PCDHGA10: variants seen among roughly 807,000 people sequenced by gnomAD.
The protein encoded by PCDHGA10 is protocadherin gamma subfamily A, 10.
In PCDHGA10, 42 loss-of-function variants were observed where a neutral mutation model predicts 59.5. The observed-to-expected ratio is 0.71, with a 90% CI of 0.55 to 0.91. The LOEUF is 0.91. Among genes scored for constraint, PCDHGA10 ranks in the 40% least tolerant of loss-of-function variants. PCDHGA10 has a pLI of 0.00. For missense variants in PCDHGA10, 1,111 were observed against 1,198.2 expected (o/e 0.93, Z 1.07); for synonymous variants, 511 against 517.2 (o/e 0.99, Z 0.16).
At chr5:141,446,604 G>C (rs1226194089) in intron 1 of PCDHGA10, among the ~76,000 whole-genome samples, 1 of 152,134 alleles carries the variant, frequency 6.6e-6, no homozygotes, top group Non-Finnish European at 1.5e-5. Flanking sequence ...AGCCTCCTGA[G>C]TAGCTGGGAC....
chr5:141,413,962 AC>A lies in PCDHGA10; in HGVS notation c.788del (p.Thr263IlefsTer4). 6.2e-7 allele frequency: 1 copy of A among 1,613,404 alleles called. No homozygotes were observed. The highest frequency in any genetic ancestry group is 8.5e-7 in the Non-Finnish European group (1 of 1,179,852). On this transcript the variant is annotated frameshift_variant, in exon 1 of 4. Coordinates refer to ENST00000398610, the MANE Select transcript of PCDHGA10 (RefSeq NM_018913.3). LOFTEE classifies it high-confidence loss of function. Reference sequence around the variant, plus strand: ...TGTTCCTGAGAATTTGCCTGTGGGCACTCAGCTGCTGACAGTCACAGCCACC... The same window carrying A: ...TGTTCCTGAGAATTTGCCTGTGGGCATCAGCTGCTGACAGTCACAGCCACC... ...VSVPENLPVGTQLLTVTATDR... is the reference protein window; with the variant it reads ...VSVPENLPVGXQLLTVTATDR...
intron 1 of PCDHGA10, among the ~76,000 whole-genome samples, chr5:141,479,060 T>G (rs980468382): frequency 5.9e-5 from 9 of 152,248 alleles, no homozygotes; most frequent in Non-Finnish European, 1.3e-4. Context: ...CAGATAATTT[T>G]TTATGAATGA....
intron 2 of PCDHGA10, among the ~76,000 whole-genome samples, chr5:141,504,039 AC>A (rs1396515708): frequency 6.6e-6 from 1 of 152,184 alleles, no homozygotes; most frequent in African/African-American, 2.4e-5. Context: ...CATTTAGGCA[AC>A]AAATATTTAT....
intron 1 of PCDHGA10, chr5:141,427,070 G>A (rs929936578): frequency 3.1e-5 from 14 of 457,822 alleles, no homozygotes; most frequent in Non-Finnish European, 6.2e-5. Context: ...TACTAAAGGT[G>A]ACAGCCACTG....
At chr5:141,423,841 T>A (rs1413277726) in intron 1 of PCDHGA10, 15 of 1,282,014 alleles carry the variant, frequency 1.2e-5, no homozygotes, top group Non-Finnish European at 1.4e-5. Context: ...ATTACGATAA[T>A]CTTTCAGAAC....
At chr5:141,418,895 GAA>G (rs746676640) in intron 1 of PCDHGA10, 1 of 1,613,998 alleles carries the variant, frequency 6.2e-7, no homozygotes, top group Admixed American at 1.7e-5. Flanking sequence ...CAACAGCCCA[GAA>G]ATAATCATCA....
rs760747309 is a variant in PCDHGA10, at chr5:141,477,613, A to G, written c.2437-17194A>G. 1.2e-6 allele frequency: 2 copies of G among 1,614,210 alleles called. No individual in the cohort carries two copies. Among genetic ancestry groups the G allele is most frequent in the Non-Finnish European group, 8.5e-7 (1 of 1,180,044 alleles). ...GGCTTTCTTTCTTTCTCTTGGAGCA[A>G]GGAGCTGAAACCGGGCTAGTGGGTC... On this transcript the variant is annotated intron_variant, in intron 1 of 3. Coordinates refer to ENST00000398610, the MANE Select transcript of PCDHGA10 (RefSeq NM_018913.3). This position sits in a 1 kb window ranked among gnomAD's most constrained non-coding sequence, Gnocchi z 4.9.
intron 2 of PCDHGA10, 40 bp from the exon 3 acceptor site, chr5:141,505,353 G>T (rs376781305): frequency 1.7e-5 from 27 of 1,613,426 alleles, no homozygotes; most frequent in Non-Finnish European, 2.0e-5. Flanking sequence ...GAGCTGTGCC[G>T]GCCTGGGAGT....
rs1308015959 is a variant in PCDHGA10, at chr5:141,482,105, AT to A, written c.2437-12701del. Among the ~76,000 whole-genome samples, 417 of 143,332 alleles carry A rather than the reference AT, an allele frequency of 2.9e-3. 1 individual carries two copies. The highest frequency in any genetic ancestry group is 0.011 in the African/African-American group (394 of 37,394). 94.0% of individuals were successfully genotyped at this position (143,332 alleles called of 152,430 possible). Reference sequence around the variant, plus strand: ...ACTCCATCTCAAAAAAAAAAAAAAAATATCTAGAGATGGGAGAATCATATGG... The same window carrying A: ...ACTCCATCTCAAAAAAAAAAAAAAAAATCTAGAGATGGGAGAATCATATGG... On this transcript the variant is annotated intron_variant, in intron 1 of 3. Coordinates refer to ENST00000398610, the MANE Select transcript of PCDHGA10 (RefSeq NM_018913.3).
chr5:141,419,616 AC>A, intron 1 of PCDHGA10: 1 of 1,612,204 alleles, frequency 6.2e-7, no homozygotes, highest in Non-Finnish European at 8.5e-7. Flanking sequence ...CAGCCAGGCT[AC>A]CTGGTGACCA....
Position 141,487,673 on chromosome 5 carries a change from C to T in PCDHGA10, c.2437-7134C>T. On this transcript the variant is annotated intron_variant, in intron 1 of 3. Transcript: ENST00000398610. The surrounding 1 kb of genome is among the most constrained non-coding windows in gnomAD (Gnocchi z 5.0). Reference sequence around the variant, plus strand: ...GGGTTATTCTGATCCAGGCATATGGCTAGGCCATGTCCTAGAGAGTACTGG... The same window carrying T: ...GGGTTATTCTGATCCAGGCATATGGTTAGGCCATGTCCTAGAGAGTACTGG... 6.2e-7 allele frequency: 1 copy of T among 1,611,456 alleles called. No homozygotes were observed. Among genetic ancestry groups the T allele is most frequent in the East Asian group, 2.2e-5 (1 of 44,852 alleles).
chr5:141,489,073 C>A lies in PCDHGA10; in HGVS notation c.2437-5734C>A, dbSNP rs2099681983. 3.2e-6 allele frequency: 1 copy of A among 315,630 alleles called. No individual in the cohort carries two copies. The highest frequency in any genetic ancestry group is 5.7e-6 in the Non-Finnish European group (1 of 173,976). 19.6% of individuals were successfully genotyped at this position (315,630 alleles called of 1,614,324 possible). A position where few individuals can be genotyped will look rare whatever the true frequency, so the allele number is the denominator to read the frequency against. ...ATTCAGCTCCCCTCCCCCCTGCCCA[C>A]CCCCGCCACTCGGTGACTAAGAACT... On this transcript the variant is annotated intron_variant, in intron 1 of 3. Coordinates refer to ENST00000398610, the MANE Select transcript of PCDHGA10 (RefSeq NM_018913.3). The surrounding 1 kb of genome is among the most constrained non-coding windows in gnomAD (Gnocchi z 4.5).
At chr5:141,439,412 T>G (rs2098111019) in intron 1 of PCDHGA10, among the ~76,000 whole-genome samples, 1 of 152,194 alleles carries the variant, frequency 6.6e-6, no homozygotes, top group Admixed American at 6.5e-5. Flanking sequence ...CTAACATCAC[T>G]GAGGTTATAA....
intron 1 of PCDHGA10, among the ~76,000 whole-genome samples, chr5:141,437,842 A>G (rs1372385076): frequency 2.0e-5 from 3 of 150,650 alleles, no homozygotes; most frequent in East Asian, 3.9e-4. Context: ...GGTTCATGCT[A>G]TTCTCCTGCC....
Position 141,441,858 on chromosome 5 carries a change from C to T in PCDHGA10, c.2436+26247C>T, listed in dbSNP as rs535716058. The T allele has an allele frequency of 6.0e-5, 21 of 349,416 alleles. No homozygotes were observed. The East Asian group carries it at 7.4e-4, about 12-fold the overall frequency. The allele number at this position is 349,416 out of a possible 1,614,324, so 21.6% of individuals were successfully genotyped here. On this transcript the variant is annotated intron_variant, in intron 1 of 3. Coordinates refer to ENST00000398610, the MANE Select transcript of PCDHGA10 (RefSeq NM_018913.3). ...TCGCGCTCTTGGATATGGTGCTGCA[C>T]GCCGCGGAGCCTGGCTACCTGGTCA...
At chr5:141,495,149 G>A (rs1448841303) in intron 2 of PCDHGA10, among the ~76,000 whole-genome samples, 1 of 152,170 alleles carries the variant, frequency 6.6e-6, no homozygotes, top group Non-Finnish European at 1.5e-5. Context: ...CCAAAGGATG[G>A]TCTTAAGCTG....
At chr5:141,502,093 G>C (rs1037154464) in intron 2 of PCDHGA10, among the ~76,000 whole-genome samples, 27 of 152,112 alleles carry the variant, frequency 1.8e-4, no homozygotes, top group Admixed American at 1.7e-3. Flanking sequence ...AGAACACCTG[G>C]CCTTGACCCT....
At chr5:141,430,873 G>C (rs2097319709) in intron 1 of PCDHGA10, 1 of 1,598,842 alleles carries the variant, frequency 6.3e-7, no homozygotes, top group African/African-American at 1.3e-5. Flanking sequence ...TTCCGGAAGA[G>C]CTGGAGAAAG....
rs762408704 is a variant in PCDHGA10 at position 141,486,335 on chromosome 5, C to G, written c.2437-8472C>G. 6.2e-7 allele frequency: 1 copy of G among 1,613,936 alleles called. No individual in the cohort carries two copies. The highest frequency in any genetic ancestry group is 8.5e-7 in the Non-Finnish European group (1 of 1,180,002). ...AGGGTCAAACGGAGATGTGAGCCTC[C>G]GCATTCCTGACCACTTGCCATTTGC... On this transcript the variant is annotated intron_variant, in intron 1 of 3. Transcript: ENST00000398610. This position sits in a 1 kb window ranked among gnomAD's most constrained non-coding sequence, Gnocchi z 5.0.
Sources: allele counts gnomAD v4.1 joint callset (sites outside exome capture counted in the v4.1 genomes callset), GRCh38; gene constraint gnomAD v4.1.1; non-coding constraint Gnocchi (gnomAD v3.1); transcripts MANE v1.5; gene names NCBI Gene and HGNC (gene_info 2026-07-23, HGNC 2026-07-21).